The following SLC39A9 variants were observed in gnomAD, a reference collection of about 807,000 sequenced individuals.
SLC39A9 encodes the protein zinc transporter ZIP9.
In SLC39A9, 14 loss-of-function variants were observed where a neutral mutation model predicts 28.4. The observed-to-expected ratio is 0.49, with a 90% CI of 0.33 to 0.77. The LOEUF is 0.77. Ranked by LOEUF, SLC39A9 falls within the 30% of genes least tolerant of loss-of-function variation. The pLI is 0.02. For missense variants in SLC39A9, 283 were observed against 381.1 expected (o/e 0.74, Z 2.14); for synonymous variants, 119 against 149.6 (o/e 0.80, Z 1.49).
At chr14:69,426,759 C>G (rs553486164) in intron 2 of SLC39A9, among the ~76,000 whole-genome samples, 3 of 152,272 alleles carry the variant, frequency 2.0e-5, no homozygotes, top group South Asian at 4.1e-4. Context: ...ACACACCCAA[C>G]AGTATAACAA....
Position 69,458,816 on chromosome 14 carries a change from T to C in SLC39A9, c.*223T>C. ...TAGCTATAGACATCCCATTGTGTTATCTTTTAAAAGGCCCTTGACATTTTG... is the reference window on the plus strand; with the variant it reads ...TAGCTATAGACATCCCATTGTGTTACCTTTTAAAAGGCCCTTGACATTTTG... On this transcript the variant is annotated 3_prime_UTR_variant, in exon 7 of 7. Coordinates refer to ENST00000336643, the MANE Select transcript of SLC39A9 (RefSeq NM_018375.5). 2 of 1,288,852 alleles carry C rather than the reference T, an allele frequency of 1.6e-6. No homozygotes were observed. The highest frequency in any genetic ancestry group is 2.0e-6 in the Non-Finnish European group (2 of 1,018,412). The allele number at this position is 1,288,852 out of a possible 1,614,324, so 79.8% of individuals were successfully genotyped here.
chr14:69,437,400 C>T (rs1251503566), intron 2 of SLC39A9, among the ~76,000 whole-genome samples: 1 of 152,154 alleles, frequency 6.6e-6, no homozygotes. Flanking sequence ...GCTGCCTTGC[C>T]TTCACTTGCT....
intron 3 of SLC39A9, among the ~76,000 whole-genome samples, chr14:69,443,723 A>T (rs1430516861): frequency 6.6e-6 from 1 of 152,108 alleles, no homozygotes; most frequent in Non-Finnish European, 1.5e-5. Context: ...TACAATAATT[A>T]GCTGAGCATA....
At chr14:69,414,515 T>G (rs909099154) in intron 1 of SLC39A9, among the ~76,000 whole-genome samples, 1 of 152,222 alleles carries the variant, frequency 6.6e-6, no homozygotes, top group African/African-American at 2.4e-5. Flanking sequence ...TCGAATTAGA[T>G]CTCTGACCTT....
In SLC39A9 at chr14:69,453,641, A is replaced by C. The variant is rs143163339; in HGVS notation, c.472+332A>C. On this transcript the variant is annotated intron_variant, in intron 4 of 6. Coordinates refer to ENST00000336643, the MANE Select transcript of SLC39A9 (RefSeq NM_018375.5). ...TATTTATGTATTGTTTGTGACAGTGAATTTGATTAGGGAAAAATGAGAGTA... is the reference window on the plus strand; with the variant it reads ...TATTTATGTATTGTTTGTGACAGTGCATTTGATTAGGGAAAAATGAGAGTA... Among the ~76,000 whole-genome samples, 501 of 152,310 alleles carry C rather than the reference A, an allele frequency of 3.3e-3. 1 individual carries two copies. The highest frequency in any genetic ancestry group is 0.012 in the African/African-American group (482 of 41,562).
At chr14:69,438,054 T>C (rs943847121) in intron 2 of SLC39A9, among the ~76,000 whole-genome samples, 5 of 146,822 alleles carry the variant, frequency 3.4e-5, no homozygotes, top group South Asian at 2.2e-4. Context: ...AGAGTTTTGC[T>C]CTTGTCACCC....
chr14:69,419,928 T>G (rs1883789837), intron 1 of SLC39A9, among the ~76,000 whole-genome samples: 1 of 152,234 alleles, frequency 6.6e-6, no homozygotes, highest in Non-Finnish European at 1.5e-5. Context: ...TACAGCACAC[T>G]GATGGGTCTT....
intron 1 of SLC39A9, among the ~76,000 whole-genome samples, chr14:69,403,622 T>A (rs1882756435): frequency 6.6e-6 from 1 of 152,222 alleles, no homozygotes; most frequent in Non-Finnish European, 1.5e-5. Flanking sequence ...ATTCAACAGA[T>A]AAAAAATTAC....
At chr14:69,444,024 A>G (rs1176293774) in intron 3 of SLC39A9, among the ~76,000 whole-genome samples, 1 of 150,580 alleles carries the variant, frequency 6.6e-6, no homozygotes, top group African/African-American at 2.4e-5. Flanking sequence ...CATCTCTACG[A>G]AAAAAAAATA....
intron 1 of SLC39A9, among the ~76,000 whole-genome samples, chr14:69,411,631 G>C (rs1265568643): frequency 6.6e-6 from 1 of 152,124 alleles, no homozygotes; most frequent in Admixed American, 6.5e-5. Context: ...GCAAAAGAAA[G>C]AACCTGTCAG....
intron 2 of SLC39A9, among the ~76,000 whole-genome samples, chr14:69,430,415 T>C (rs997083010): frequency 3.3e-5 from 5 of 152,042 alleles, no homozygotes; most frequent in Admixed American, 6.6e-5. Flanking sequence ...TCTAACACTA[T>C]TTTTTGAAAA....
At chr14:69,410,847 T>C (rs891016545) in intron 1 of SLC39A9, among the ~76,000 whole-genome samples, 3 of 151,974 alleles carry the variant, frequency 2.0e-5, no homozygotes, top group Admixed American at 1.3e-4. Flanking sequence ...TTTAGGAAGC[T>C]GTAGTTGACA....
At chr14:69,432,309 T>C (rs969279639) in intron 2 of SLC39A9, among the ~76,000 whole-genome samples, 1 of 152,158 alleles carries the variant, frequency 6.6e-6, no homozygotes, top group Non-Finnish European at 1.5e-5. Flanking sequence ...TCTCTGCCGA[T>C]TAGTGATTTG....
At chr14:69,405,620 T>G (rs1050271631) in intron 1 of SLC39A9, among the ~76,000 whole-genome samples, 1 of 152,170 alleles carries the variant, frequency 6.6e-6, no homozygotes, top group Non-Finnish European at 1.5e-5. Context: ...TTTTAAACTT[T>G]GCAATCTCAG....
chr14:69,446,662 C>G (rs1022022858), intron 3 of SLC39A9, among the ~76,000 whole-genome samples: 10 of 151,856 alleles, frequency 6.6e-5, no homozygotes, highest in Admixed American at 5.9e-4. Context: ...CACCTGAGGT[C>G]AGGAGTTCAA....
At chr14:69,445,122 T>G (rs1253258997) in intron 3 of SLC39A9, among the ~76,000 whole-genome samples, 1 of 151,512 alleles carries the variant, frequency 6.6e-6, no homozygotes, top group Non-Finnish European at 1.5e-5. Flanking sequence ...GAAGGGGAAA[T>G]AAGAAAAACA....
intron 1 of SLC39A9, among the ~76,000 whole-genome samples, chr14:69,399,813 T>C (rs1882523130): frequency 6.6e-6 from 1 of 152,192 alleles, no homozygotes; most frequent in Non-Finnish European, 1.5e-5. Context: ...TCCAGATTGT[T>C]ATCAAGAAAA....
Position 69,460,347 on chromosome 14 carries a change from T to C in SLC39A9, c.*1754T>C, listed in dbSNP as rs1594958653. On this transcript the variant is annotated 3_prime_UTR_variant, in exon 7 of 7. Transcript: ENST00000336643. ...GGAAAGTAGCACAAATAGGATACAGTTGTATGTAGTCATTGGCAACAATTG... is the reference window on the plus strand; with the variant it reads ...GGAAAGTAGCACAAATAGGATACAGCTGTATGTAGTCATTGGCAACAATTG... The C allele has an allele frequency of 1.0e-6, 1 of 985,520 alleles. No homozygotes were observed. The highest frequency in any genetic ancestry group is 1.1e-4 in the East Asian group (1 of 8,816). The allele number at this position is 985,520 out of a possible 1,614,324, so 61.0% of individuals were successfully genotyped here. A position where few individuals can be genotyped will look rare whatever the true frequency, so the allele number is the denominator to read the frequency against.
intron 3 of SLC39A9, among the ~76,000 whole-genome samples, chr14:69,449,569 A>G (rs2139442884): frequency 6.6e-6 from 1 of 152,182 alleles, no homozygotes; most frequent in South Asian, 2.1e-4. Context: ...AGACTGCAGT[A>G]AGCTATGATT....
Sources: gnomAD v4.1 joint callset for allele counts (sites outside exome capture counted in the v4.1 genomes callset) on GRCh38, gnomAD v4.1.1 for gene constraint, MANE v1.5 for transcripts, NCBI Gene and HGNC (gene_info 2026-07-23, HGNC 2026-07-21) for gene names.